The following RBMS3 variants were observed in gnomAD, a reference collection of about 807,000 sequenced individuals.
RBMS3 encodes RNA-binding motif, single-stranded-interacting protein 3.
RBMS3 carries 27 observed loss-of-function variants against 66.8 expected under a neutral mutation model. The observed-to-expected ratio is 0.40, with a 90% CI of 0.30 to 0.56. The LOEUF is 0.56. Ranked by LOEUF, RBMS3 falls within the 20% of genes least tolerant of loss-of-function variation. The probability of loss-of-function intolerance (pLI) is 0.40; values close to 1 mark genes in which losing one functional copy is unlikely to be tolerated. For synonymous variants in RBMS3, 188 were observed against 183.0 expected (o/e 1.03, Z -0.22); for missense variants, 513 against 549.5 (o/e 0.93, Z 0.66).
At chr3:29,660,706 T>C (rs1236984643) in intron 4 of RBMS3, among the ~76,000 whole-genome samples, 1 of 152,206 alleles carries the variant, frequency 6.6e-6, no homozygotes, top group Admixed American at 6.5e-5. Context: ...CCTAAATTCT[T>C]TCCAGATCTT....
At chr3:29,716,227 A>G (rs1265742789) in intron 4 of RBMS3, among the ~76,000 whole-genome samples, 2 of 152,164 alleles carry the variant, frequency 1.3e-5, no homozygotes, top group African/African-American at 2.4e-5. Context: ...CTAGAAATGC[A>G]TCCTTTAGAT....
In RBMS3 at chr3:29,965,391, G is replaced by T. The variant is rs188994902; in HGVS notation, c.1098+21137G>T. On this transcript the variant is annotated intron_variant, in intron 12 of 14. Coordinates refer to ENST00000383767, the MANE Select transcript of RBMS3 (RefSeq NM_001003793.3). ...ACTGCACCCATACCAACAGCTACTGGTTTTTTTTATTTTTTGATTATGGCC... is the reference window on the plus strand; with the variant it reads ...ACTGCACCCATACCAACAGCTACTGTTTTTTTTTATTTTTTGATTATGGCC... Among the ~76,000 whole-genome samples the T allele has an allele frequency of 2.1e-3, 325 of 151,732 alleles. 1 individual carries two copies. The highest frequency in any genetic ancestry group is 7.1e-3 in the African/African-American group (293 of 41,408).
In RBMS3 at chr3:29,465,565, T is replaced by G. The variant is rs1231464468; in HGVS notation, c.249-22876T>G. 2.0e-5 allele frequency among the ~76,000 whole-genome samples: 3 copies of G among 150,338 alleles called. No individual in the cohort carries two copies. The Admixed American group carries it at 2.0e-4, about 10-fold the overall frequency. On this transcript the variant is annotated intron_variant, in intron 2 of 14. Transcript: ENST00000383767. Reference sequence around the variant, plus strand: ...TTATTTTTTTTTTTTTTTCTGTAAATCTAGTGAGCCCCTGAGCTGAGGGGT... The same window carrying G: ...TTATTTTTTTTTTTTTTTCTGTAAAGCTAGTGAGCCCCTGAGCTGAGGGGT...
chr3:29,892,551 C>T (rs988455870), intron 8 of RBMS3, among the ~76,000 whole-genome samples: 1 of 151,576 alleles, frequency 6.6e-6, no homozygotes. Context: ...GGCTTAGAAC[C>T]ACTGGGTTCA....
At chr3:29,927,941 GA>G (rs1379536817) in intron 10 of RBMS3, among the ~76,000 whole-genome samples, 2 of 151,938 alleles carry the variant, frequency 1.3e-5, no homozygotes, top group African/African-American at 4.8e-5. Context: ...AGCAGGAATA[GA>G]AAAATGTCTT....
At chr3:29,960,492 G>A (rs1321867736) in intron 12 of RBMS3, among the ~76,000 whole-genome samples, 1 of 152,166 alleles carries the variant, frequency 6.6e-6, no homozygotes, top group African/African-American at 2.4e-5. Flanking sequence ...GGAAGACAGT[G>A]TCCCTCTTTT....
At position 29,460,571 on chromosome 3, in the gene RBMS3, G is replaced by T. The variant is rs184893943; in HGVS notation, c.248+25656G>T. Among the ~76,000 whole-genome samples, 7 of 152,312 alleles carry T rather than the reference G, an allele frequency of 4.6e-5. No individual in the cohort carries two copies. In the East Asian group the frequency reaches 1.2e-3, roughly 25 times the overall value. ...TGATGATCTATAGAGTCCACTCTGAGCACTGTTGCACTAAGTGACAACATG... is the reference window on the plus strand; with the variant it reads ...TGATGATCTATAGAGTCCACTCTGATCACTGTTGCACTAAGTGACAACATG... On this transcript the variant is annotated intron_variant, in intron 2 of 14. Transcript: ENST00000383767.
chr3:29,345,234 A>G (rs1329693997), intron 1 of RBMS3, among the ~76,000 whole-genome samples: 1 of 152,204 alleles, frequency 6.6e-6, no homozygotes, highest in East Asian at 1.9e-4. Context: ...TATTTATTCA[A>G]TGAATTCTAC....
At chr3:29,480,563 T>G (rs1380670735) in intron 2 of RBMS3, among the ~76,000 whole-genome samples, 1 of 152,178 alleles carries the variant, frequency 6.6e-6, no homozygotes, top group Non-Finnish European at 1.5e-5. Flanking sequence ...TGCCAAGAAG[T>G]CAATGCTAGT....
At chr3:29,448,155 C>A (rs1195417186) in intron 2 of RBMS3, among the ~76,000 whole-genome samples, 1 of 152,224 alleles carries the variant, frequency 6.6e-6, no homozygotes, top group African/African-American at 2.4e-5. Context: ...TCGCTACAAC[C>A]ACCTGCGTGT....
intron 14 of RBMS3, among the ~76,000 whole-genome samples, chr3:29,993,113 CTT>C (rs1265383819): frequency 6.7e-6 from 1 of 149,640 alleles, no homozygotes; most frequent in African/African-American, 2.6e-5. Flanking sequence ...CAGAATATGA[CTT>C]AAACTTACAA....
chr3:29,785,848 C>A (rs924597558), intron 6 of RBMS3, among the ~76,000 whole-genome samples: 7 of 151,914 alleles, frequency 4.6e-5, no homozygotes, highest in Non-Finnish European at 1.0e-4. Flanking sequence ...CCAGAACAAT[C>A]AAACAAGAGA....
At chr3:29,328,723 A>G (rs2035482558) in intron 1 of RBMS3, among the ~76,000 whole-genome samples, 1 of 152,114 alleles carries the variant, frequency 6.6e-6, no homozygotes, top group Admixed American at 6.6e-5. Flanking sequence ...CCATTGGGTT[A>G]GATCTCTCAT....
chr3:29,719,894 G>T (rs1008863149), intron 4 of RBMS3, among the ~76,000 whole-genome samples: 1 of 151,430 alleles, frequency 6.6e-6, no homozygotes, highest in Non-Finnish European at 1.5e-5. Context: ...ATTGGAACTC[G>T]GCTCCATTTA....
chr3:29,406,598 A>G (rs538016292), intron 1 of RBMS3, among the ~76,000 whole-genome samples: 114 of 152,292 alleles, frequency 7.5e-4, no homozygotes, highest in African/African-American at 2.7e-3. Flanking sequence ...GTCATTCAAT[A>G]TTTGAGCAAA....
intron 3 of RBMS3, among the ~76,000 whole-genome samples, chr3:29,530,705 CAA>C (rs35876128): frequency 8.9e-5 from 11 of 123,710 alleles, no homozygotes; most frequent in Admixed American, 8.5e-5. Context: ...ACTAAAAATA[CAA>C]AAAAAAAAAA....
At chr3:29,425,219 A>C (rs868583685) in intron 1 of RBMS3, among the ~76,000 whole-genome samples, 136 of 147,444 alleles carry the variant, frequency 9.2e-4, no homozygotes, top group Non-Finnish European at 1.5e-3. Flanking sequence ...AAAAAAACAA[A>C]AAAAAAAAAA....
intron 5 of RBMS3, among the ~76,000 whole-genome samples, chr3:29,744,689 C>T (rs1285962014): frequency 2.6e-5 from 4 of 151,074 alleles, no homozygotes; most frequent in Non-Finnish European, 4.4e-5. Flanking sequence ...GAGGCTGAGG[C>T]ATGAGAATCG....
At chr3:29,398,979 G>A (rs1257563031) in intron 1 of RBMS3, among the ~76,000 whole-genome samples, 1 of 152,162 alleles carries the variant, frequency 6.6e-6, no homozygotes, top group African/African-American at 2.4e-5. Context: ...GAATCACTTA[G>A]TAGCTCTCCT....
Sources: gnomAD v4.1 joint callset for allele counts (sites outside exome capture counted in the v4.1 genomes callset) on GRCh38, gnomAD v4.1.1 for gene constraint, MANE v1.5 for transcripts, NCBI Gene and HGNC (gene_info 2026-07-23, HGNC 2026-07-21) for gene names.